The following CDKL4 variants were observed in gnomAD, a reference collection of about 807,000 sequenced individuals.
The protein encoded by CDKL4 is cyclin-dependent kinase-like 4.
In CDKL4, 44 loss-of-function variants were observed where a neutral mutation model predicts 42.0. The observed-to-expected ratio is 1.05, with a 90% confidence interval of 0.82 to 1.35. The LOEUF (loss-of-function observed/expected upper bound fraction) is 1.35, where lower values mean the gene tolerates loss of function less well. Ranked by LOEUF, CDKL4 falls within the 40% of genes most tolerant of loss-of-function variation. The probability of loss-of-function intolerance (pLI) is 0.00; values close to 1 mark genes in which losing one functional copy is unlikely to be tolerated. For synonymous variants in CDKL4, 120 were observed against 121.6 expected (o/e 0.99, Z 0.09); for missense variants, 393 against 369.9 (o/e 1.06, Z -0.51).
rs1675616896 is a variant in CDKL4 at position 39,184,626 on chromosome 2, A to G, written c.757T>C (p.Ser253Pro). ...TTCAGAGCCACAGGATGAACATCTG[A>G]GAACTTTTCCTCAAGAGTTTCCTGA... is the stretch of plus-strand genomic sequence containing the variant. The change falls in exon 8 of 10, where the codon TCA becomes CCA. Residue 253 changes from serine (S) to proline (P), a missense_variant. Physicochemically the swap from Ser to Pro is moderately conservative, Grantham distance 74 (BLOSUM62 -1). Transcript: ENST00000451199. The G allele has an allele frequency of 3.7e-6, 6 of 1,612,106 alleles. No individual in the cohort carries two copies. In the East Asian group the frequency reaches 1.1e-4, roughly 30 times the overall value.
intron 2 of CDKL4, among the ~76,000 whole-genome samples, chr2:39,228,765 G>A (rs73922855): frequency 3.9e-5 from 6 of 152,174 alleles, no homozygotes; most frequent in Admixed American, 6.5e-5. Flanking sequence ...GCATCTCTAC[G>A]GTCGCTTATA....
intron 9 of CDKL4, among the ~76,000 whole-genome samples, chr2:39,177,132 T>C (rs1360863833): frequency 6.6e-6 from 1 of 152,214 alleles, no homozygotes; most frequent in African/African-American, 2.4e-5. Context: ...TCTTTCCTTT[T>C]GCTGCCTCTG....
intron 1 of CDKL4, among the ~76,000 whole-genome samples, chr2:39,237,040 T>A (rs933034016): frequency 6.6e-6 from 1 of 152,248 alleles, no homozygotes; most frequent in Non-Finnish European, 1.5e-5. Flanking sequence ...ACTCATTCTA[T>A]GTGGCCAATA....
downstream of CDKL4, among the ~76,000 whole-genome samples, chr2:39,171,339 AC>A (rs770170431): frequency 6.6e-6 from 1 of 152,196 alleles, no homozygotes; most frequent in Non-Finnish European, 1.5e-5. Flanking sequence ...AGGAAAAAAA[AC>A]AAACTACTTT....
chr2:39,212,324 C>T (rs1160442120), intron 4 of CDKL4, among the ~76,000 whole-genome samples: 1 of 151,712 alleles, frequency 6.6e-6, no homozygotes, highest in Non-Finnish European at 1.5e-5. Flanking sequence ...AGCTCCGCCT[C>T]CTGGGTTCAC....
At chr2:39,169,082 T>C in the CDKL4 span, among the ~76,000 whole-genome samples, 4 of 152,280 alleles carry the variant, frequency 2.6e-5, no homozygotes, top group African/African-American at 9.6e-5. Context: ...AACAAAAATG[T>C]ACACAATTCA....
intron 9 of CDKL4, 117 bp from the exon 10 acceptor site, chr2:39,176,213 C>T (rs1675160802): frequency 3.0e-6 from 1 of 331,494 alleles, no homozygotes; most frequent in Non-Finnish European, 6.1e-6. Flanking sequence ...TGTCAAAAGA[C>T]ATCAATTTTA....
chr2:39,184,025 C>T (rs1384836850), intron 8 of CDKL4, among the ~76,000 whole-genome samples: 1 of 152,152 alleles, frequency 6.6e-6, no homozygotes, highest in Non-Finnish European at 1.5e-5. Flanking sequence ...TGCCAAGGTC[C>T]CACTCATGAA....
At chr2:39,235,610 G>A (rs1235730627) in intron 1 of CDKL4, among the ~76,000 whole-genome samples, 1 of 152,110 alleles carries the variant, frequency 6.6e-6, no homozygotes, top group East Asian at 1.9e-4. Flanking sequence ...ATCTGGGTGT[G>A]GTGGTACATG....
intron 1 of CDKL4, among the ~76,000 whole-genome samples, chr2:39,239,119 A>T (rs1679518497): frequency 6.6e-6 from 1 of 152,220 alleles, no homozygotes; most frequent in Non-Finnish European, 1.5e-5. Flanking sequence ...AACAAATGAT[A>T]CTAGGACCAT....
At chr2:39,218,641 T>C (rs1160633045) in intron 3 of CDKL4, among the ~76,000 whole-genome samples, 2 of 152,200 alleles carry the variant, frequency 1.3e-5, no homozygotes, top group African/African-American at 4.8e-5. Flanking sequence ...ATCAAACCCG[T>C]TGAAGGCCTG....
intron 7 of CDKL4, 130 bp from the exon 8 acceptor site, chr2:39,184,777 C>T: frequency 1.6e-6 from 1 of 627,010 alleles, no homozygotes; most frequent in Non-Finnish European, 2.8e-6. Flanking sequence ...CTCTATCTCC[C>T]AGGCTGCAGT....
At chr2:39,246,925 T>C (rs1679937840), upstream of CDKL4, among the ~76,000 whole-genome samples, 1 of 152,196 alleles carries the variant, frequency 6.6e-6, no homozygotes, top group African/African-American at 2.4e-5. Flanking sequence ...TTTCATTTTT[T>C]GTAGAGAAGG....
At chr2:39,196,442 G>A (rs975387528) in intron 5 of CDKL4, among the ~76,000 whole-genome samples, 1 of 152,110 alleles carries the variant, frequency 6.6e-6, no homozygotes, top group South Asian at 2.1e-4. Context: ...GTTTGGCTCT[G>A]AGGAAGCCCC....
chr2:39,208,234 A>G (rs1242807132), intron 4 of CDKL4, among the ~76,000 whole-genome samples: 2 of 152,242 alleles, frequency 1.3e-5, no homozygotes, highest in East Asian at 1.9e-4. Flanking sequence ...GCCACACTCA[A>G]TGCAAACTCT....
At chr2:39,189,288 A>C (rs1676030258) in intron 6 of CDKL4, among the ~76,000 whole-genome samples, 1 of 152,218 alleles carries the variant, frequency 6.6e-6, no homozygotes, top group Non-Finnish European at 1.5e-5. Flanking sequence ...GGTTATGCTG[A>C]CACATAATGA....
chr2:39,209,742 T>A (rs1677470131), intron 4 of CDKL4, among the ~76,000 whole-genome samples: 1 of 152,216 alleles, frequency 6.6e-6, no homozygotes, highest in African/African-American at 2.4e-5. Flanking sequence ...GGTTTAAAGC[T>A]GTGAGTCGTC....
At chr2:39,173,213 A>G (rs1675046960), downstream of CDKL4, among the ~76,000 whole-genome samples, 1 of 152,250 alleles carries the variant, frequency 6.6e-6, no homozygotes, top group Non-Finnish European at 1.5e-5. Context: ...CTATATAGAT[A>G]CATAATATAG....
intron 2 of CDKL4, among the ~76,000 whole-genome samples, chr2:39,226,328 A>G (rs7583170): frequency 0.86 from 128,378 of 149,698 alleles, 55,426 homozygotes; most frequent in Non-Finnish European, 0.92. Flanking sequence ...TCTAGTGTTG[A>G]CTCCCAGTAA....
Sources: gnomAD v4.1 joint callset for allele counts (sites outside exome capture counted in the v4.1 genomes callset) on GRCh38, gnomAD v4.1.1 for gene constraint, MANE v1.5 for transcripts, NCBI Gene and HGNC (gene_info 2026-07-23, HGNC 2026-07-21) for gene names.